The following RAP1GAP2 variants were observed in gnomAD, a reference collection of about 807,000 sequenced individuals.
The protein encoded by RAP1GAP2 is rap1 GTPase-activating protein 2.
RAP1GAP2 carries 27 observed loss-of-function variants against 95.0 expected under a neutral mutation model. The observed-to-expected ratio is 0.28, with a 90% CI of 0.21 to 0.39. RAP1GAP2 has a LOEUF of 0.39. Ranked by LOEUF, RAP1GAP2 falls within the 10% of genes least tolerant of loss-of-function variation. The pLI, the probability that RAP1GAP2 is intolerant of heterozygous loss-of-function variation, is 1.00. For missense variants in RAP1GAP2, 771 were observed against 970.0 expected, an observed-to-expected ratio of 0.79 and a Z score of 2.72; for synonymous variants, 373 against 380.9, an observed-to-expected ratio of 0.98 and a Z score of 0.24.
At chr17:2,945,412 T>C (rs1288294896) in intron 3 of RAP1GAP2, among the ~76,000 whole-genome samples, 1 of 152,204 alleles carries the variant, frequency 6.6e-6, no homozygotes, top group Non-Finnish European at 1.5e-5. Context: ...TTTTTTGTGT[T>C]GGAACGTCTC....
intron 2 of RAP1GAP2, among the ~76,000 whole-genome samples, chr17:2,892,530 G>C (rs72819274): frequency 0.038 from 5,819 of 152,228 alleles, 106 homozygotes; most frequent in African/African-American, 0.041. Flanking sequence ...TGTTCTCATA[G>C]CATCTACTGG....
rs2151662962 is a variant in RAP1GAP2, at chr17:3,027,154, T to C, written c.2107+84T>C. 3 of 1,461,004 alleles carry C rather than the reference T, an allele frequency of 2.1e-6. No individual in the cohort carries two copies. The highest frequency in any genetic ancestry group is 2.8e-5 in the South Asian group (2 of 71,050). 90.5% of individuals were successfully genotyped at this position (1,461,004 alleles called of 1,614,324 possible). On this transcript the variant is annotated intron_variant, in intron 22 of 24. Coordinates refer to ENST00000254695, the MANE Select transcript of RAP1GAP2 (RefSeq NM_015085.5). This position sits in a 1 kb window ranked among gnomAD's most constrained non-coding sequence, Gnocchi z 5.2. ...ACTGTTAGCAGGGCCCCAGCCACGC[T>C]GAACTGGCCAGTTTTCACCCCTCCT...
At chr17:2,984,895 C>A (rs2045501748) in intron 10 of RAP1GAP2, 88 bp from the exon 11 acceptor site, 1 of 1,569,976 alleles carries the variant, frequency 6.4e-7, no homozygotes, top group Middle Eastern at 1.7e-4. Flanking sequence ...ATTCTCTCCC[C>A]AAATGGATGC....
intron 10 of RAP1GAP2, among the ~76,000 whole-genome samples, chr17:2,983,201 C>T (rs557428948): frequency 3.3e-5 from 5 of 151,946 alleles, no homozygotes; most frequent in South Asian, 2.1e-4. Context: ...TCTCGCATAA[C>T]GCGTGGTTGA....
In RAP1GAP2 at chr17:2,980,346, G is replaced by A; in HGVS notation, c.656G>A (p.Ser219Asn). ...IPLAGLSKLP[S>N]VPQIAKAFCD... is the part of the protein sequence containing the mutation. ...TTGGCTGGACTGAGCAAGCTTCCCA[G>A]TGTCCCTCAGATTGCAAAGGTGAGA... is the stretch of plus-strand genomic sequence containing the variant. The change falls in exon 9 of 25, where the codon AGT becomes AAT. Residue 219 changes from serine to asparagine, a missense_variant. By Grantham distance (46) the Ser-to-Asn change is conservative (BLOSUM62 1). Transcript: ENST00000254695. 1 of 1,613,924 alleles carries A rather than the reference G, an allele frequency of 6.2e-7. No homozygotes were observed. Among genetic ancestry groups the A allele is most frequent in the South Asian group, 1.1e-5 (1 of 91,072 alleles).
intron 2 of RAP1GAP2, among the ~76,000 whole-genome samples, chr17:2,800,812 A>G (rs1199831484): frequency 1.3e-5 from 2 of 149,826 alleles, no homozygotes; most frequent in Non-Finnish European, 3.0e-5. Flanking sequence ...ATTCAGTCCC[A>G]TTATTCTTTT....
At chr17:2,760,157 G>C (rs536043875) in intron 1 of RAP1GAP2, among the ~76,000 whole-genome samples, 1 of 151,664 alleles carries the variant, frequency 6.6e-6, no homozygotes, top group South Asian at 2.1e-4. Context: ...GCCAGGCGTG[G>C]TGGCGGGAGC....
At position 2,957,759 on chromosome 17, in the gene RAP1GAP2, T is replaced by C; in HGVS notation, c.166T>C (p.Ser56Pro). 1.9e-6 allele frequency: 3 copies of C among 1,607,732 alleles called. No individual in the cohort carries two copies. The highest frequency in any genetic ancestry group is 1.7e-6 in the Non-Finnish European group (2 of 1,176,846). ...CTGTCCCCCTGCTTTTGTCTTTCAG[T>C]CGTCGGAGTTCTTTGAGATGCTGGA... is the stretch of plus-strand genomic sequence containing the variant. ...PPLTAPPTMK[S>P]SEFFEMLEKM... The change falls in exon 4 of 25, where the codon TCG (serine) becomes CCG (proline). Residue 56 changes from serine (S) to proline (P), a missense_variant and splice_region_variant. Coordinates refer to ENST00000254695, the MANE Select transcript of RAP1GAP2 (RefSeq NM_015085.5).
intron 1 of RAP1GAP2, among the ~76,000 whole-genome samples, chr17:2,788,718 C>T (rs561052789): frequency 6.6e-5 from 10 of 152,282 alleles, no homozygotes; most frequent in South Asian, 6.2e-4. Context: ...GGCACAAGAA[C>T]GAGGAGCGTT....
chr17:2,868,441 A>T (rs2072706195), intron 2 of RAP1GAP2, among the ~76,000 whole-genome samples: 1 of 152,162 alleles, frequency 6.6e-6, no homozygotes, highest in African/African-American at 2.4e-5. Context: ...CATGTGTGAA[A>T]TGCGACTAAG....
chr17:2,930,167 G>A (rs2043095786), intron 3 of RAP1GAP2, among the ~76,000 whole-genome samples: 1 of 152,232 alleles, frequency 6.6e-6, no homozygotes, highest in South Asian at 2.1e-4. Flanking sequence ...CTCATCCATC[G>A]CTGGCTGGGA....
In RAP1GAP2 at chr17:2,849,999, C is replaced by CTT. The variant is rs5818878; in HGVS notation, c.80+49467_80+49468dup. Among the ~76,000 whole-genome samples the CTT allele has an allele frequency of 2.6e-4, 35 of 132,534 alleles. 1 individual carries two copies. Among genetic ancestry groups the CTT allele is most frequent in the Middle Eastern group, 8.6e-3 (2 of 232 alleles). 86.9% of individuals were successfully genotyped at this position (132,534 alleles called of 152,430 possible). The stretch of plus-strand genomic sequence containing the variant: ...TGTCACTAACACCTAACACTGCCTG[C>CTT]TTTTTTTTTTTTTTTTTTTGAGATG... On this transcript the variant is annotated intron_variant, in intron 2 of 24. Transcript: ENST00000254695.
chr17:2,921,940 C>G (rs1341484057), intron 3 of RAP1GAP2, among the ~76,000 whole-genome samples: 2 of 152,200 alleles, frequency 1.3e-5, no homozygotes, highest in African/African-American at 2.4e-5. Flanking sequence ...TTTAAGGACA[C>G]TTGTCATTGG....
chr17:2,844,588 G>A (rs2071505870), intron 2 of RAP1GAP2, among the ~76,000 whole-genome samples: 2 of 152,220 alleles, frequency 1.3e-5, no homozygotes, highest in African/African-American at 2.4e-5. Flanking sequence ...GCTGGGTGAA[G>A]CTCTGGGAGT....
chr17:2,846,830 G>A (rs1426701611), intron 2 of RAP1GAP2, among the ~76,000 whole-genome samples: 1 of 152,148 alleles, frequency 6.6e-6, no homozygotes, highest in Admixed American at 6.6e-5. Flanking sequence ...CCTCACTGTA[G>A]TGTCTTTGCA....
intron 2 of RAP1GAP2, among the ~76,000 whole-genome samples, chr17:2,852,442 C>G (rs1347517724): frequency 6.6e-6 from 1 of 152,172 alleles, no homozygotes; most frequent in African/African-American, 2.4e-5. Flanking sequence ...CACCCCAACT[C>G]CAGTGCCAGC....
At position 2,853,156 on chromosome 17, in the gene RAP1GAP2, T is replaced by G. The variant is rs983844867; in HGVS notation, c.81-52128T>G. ...CTCTGCATCCCAGCTCGGCGATCCT[T>G]GCGCCGACTCTGCGGGGAGGCGGGG... On this transcript the variant is annotated intron_variant, in intron 2 of 24. Transcript: ENST00000254695. Among the ~76,000 whole-genome samples the G allele has an allele frequency of 7.2e-5, 11 of 152,128 alleles. No homozygotes were observed. In the East Asian group the frequency reaches 1.9e-3, roughly 27 times the overall value.
At chr17:2,992,099 T>A (rs1159341746) in intron 12 of RAP1GAP2, among the ~76,000 whole-genome samples, 1 of 151,296 alleles carries the variant, frequency 6.6e-6, no homozygotes, top group Non-Finnish European at 1.5e-5. Context: ...ACACAAAGAA[T>A]GCATCATGAG....
chr17:2,956,035 C>T (rs1015636163), intron 3 of RAP1GAP2, among the ~76,000 whole-genome samples: 1 of 152,168 alleles, frequency 6.6e-6, no homozygotes, highest in African/African-American at 2.4e-5. Flanking sequence ...ATGTTGATTG[C>T]TTCTGTTGCA....
Sources: gnomAD v4.1 joint callset for allele counts (sites outside exome capture counted in the v4.1 genomes callset) on GRCh38, gnomAD v4.1.1 for gene constraint, Gnocchi (gnomAD v3.1) non-coding constraint, MANE v1.5 for transcripts, NCBI Gene and HGNC (gene_info 2026-07-23, HGNC 2026-07-21) for gene names.